The following ADAM2 variants were observed in gnomAD, a reference collection of about 807,000 sequenced individuals.
The protein encoded by ADAM2 is disintegrin and metalloproteinase domain-containing protein 2.
In ADAM2, 101 loss-of-function variants were observed where a neutral mutation model predicts 99.3. The ratio of observed to expected loss-of-function variants is 1.02; its 90% CI spans 0.87 to 1.20. The LOEUF is 1.20. Among genes scored for constraint, ADAM2 ranks in the 50% most tolerant of loss-of-function variants. The pLI, the probability that ADAM2 is intolerant of heterozygous loss-of-function variation, is 0.00. For synonymous variants in ADAM2, 323 were observed against 287.6 expected, an observed-to-expected ratio of 1.12 and a Z score of -1.25; for missense variants, 948 against 878.7, an observed-to-expected ratio of 1.08 and a Z score of -1.00.
intron 16 of ADAM2, 83 bp from the exon 17 acceptor site, chr8:39,749,827 A>G: frequency 1.0e-6 from 1 of 987,726 alleles, no homozygotes; most frequent in African/African-American, 1.6e-5. Context: ...ACCATACCAT[A>G]TTACCATGGA....
At chr8:39,780,501 C>G (rs931219881) in intron 10 of ADAM2, among the ~76,000 whole-genome samples, 1 of 152,020 alleles carries the variant, frequency 6.6e-6, no homozygotes, top group Admixed American at 6.6e-5. Context: ...GCATTTCTAC[C>G]AGACAAAAAT....
intron 7 of ADAM2, among the ~76,000 whole-genome samples, chr8:39,795,916 G>T (rs1803917726): frequency 6.6e-6 from 1 of 152,008 alleles, no homozygotes; most frequent in Non-Finnish European, 1.5e-5. Context: ...ATAATAATTA[G>T]GCCCAAGTTT....
intron 7 of ADAM2, among the ~76,000 whole-genome samples, chr8:39,794,620 T>C (rs1171092612): frequency 1.3e-5 from 2 of 152,088 alleles, no homozygotes; most frequent in East Asian, 3.9e-4. Context: ...CCAGGCATTG[T>C]ATGGAAAAGC....
intron 14 of ADAM2, among the ~76,000 whole-genome samples, chr8:39,762,384 C>G (rs1802402597): frequency 6.6e-6 from 1 of 152,148 alleles, no homozygotes. Flanking sequence ...CAAGCCATTG[C>G]TGGTAGACAA....
At chr8:39,773,575 C>A (rs909894511) in intron 11 of ADAM2, among the ~76,000 whole-genome samples, 10 of 151,430 alleles carry the variant, frequency 6.6e-5, no homozygotes, top group Non-Finnish European at 1.2e-4. Flanking sequence ...GGGCATATCA[C>A]AAATTATCCC....
At chr8:39,744,528 A>G (rs1173381440) in intron 20 of ADAM2, among the ~76,000 whole-genome samples, 1 of 152,080 alleles carries the variant, frequency 6.6e-6, no homozygotes, top group East Asian at 1.9e-4. Context: ...ACAAACACAC[A>G]CAGGAACATA....
At chr8:39,760,777 T>A (rs1254455507) in intron 15 of ADAM2, among the ~76,000 whole-genome samples, 1 of 148,042 alleles carries the variant, frequency 6.8e-6, no homozygotes, top group Non-Finnish European at 1.5e-5. Flanking sequence ...GCAGTAAAAA[T>A]TCGTGTATTT....
intron 19 of ADAM2, 148 bp from the exon 20 acceptor site, chr8:39,745,041 A>G: frequency 1.7e-6 from 1 of 572,896 alleles, no homozygotes; most frequent in Non-Finnish European, 3.0e-6. Context: ...CACTGAGAAC[A>G]TCTCTGCCCT....
At chr8:39,769,303 T>C in intron 12 of ADAM2, 89 bp downstream of exon 12, 10 of 1,023,522 alleles carry the variant, frequency 9.8e-6, no homozygotes, top group South Asian at 1.6e-5. Context: ...TTTAGCTTGA[T>C]GAATTAAGGA....
At chr8:39,760,805 G>A (rs1320749807) in intron 15 of ADAM2, among the ~76,000 whole-genome samples, 1 of 142,632 alleles carries the variant, frequency 7.0e-6, no homozygotes, top group Non-Finnish European at 1.5e-5. Context: ...TTTACTATGA[G>A]GATTGTCATG....
At chr8:39,790,384 A>G (rs1376138722) in intron 7 of ADAM2, among the ~76,000 whole-genome samples, 2 of 151,990 alleles carry the variant, frequency 1.3e-5, no homozygotes, top group Non-Finnish European at 2.9e-5. Context: ...ACATGTATAA[A>G]CCTGAAAATC....
intron 6 of ADAM2, among the ~76,000 whole-genome samples, chr8:39,810,141 T>C (rs1804633452): frequency 6.6e-6 from 1 of 152,028 alleles, no homozygotes; most frequent in Non-Finnish European, 1.5e-5. Context: ...AAACCTAGTC[T>C]CTGATAAAAC....
At chr8:39,811,028 G>C (rs1055404772) in intron 6 of ADAM2, among the ~76,000 whole-genome samples, 8 of 151,698 alleles carry the variant, frequency 5.3e-5, no homozygotes, top group African/African-American at 9.7e-5. Context: ...CACCAAAATT[G>C]ATAGACCACT....
chr8:39,753,638 A>T (rs529083346), intron 16 of ADAM2, among the ~76,000 whole-genome samples: 1 of 152,278 alleles, frequency 6.6e-6, no homozygotes, highest in South Asian at 2.1e-4. Flanking sequence ...CCCCTGCTCT[A>T]TACTGCCTCA....
At chr8:39,801,592 C>A (rs1482631099) in intron 7 of ADAM2, among the ~76,000 whole-genome samples, 2 of 152,104 alleles carry the variant, frequency 1.3e-5, no homozygotes, top group African/African-American at 2.4e-5. Flanking sequence ...CTGGGCTGCT[C>A]GGATAACTCA....
At chr8:39,761,373 T>G in intron 14 of ADAM2, 92 bp from the exon 15 acceptor site, 1 of 630,226 alleles carries the variant, frequency 1.6e-6, no homozygotes, top group African/African-American at 1.9e-5. Context: ...GGGTTTAAGA[T>G]ATTCATTGTA....
chr8:39,827,907 GA>G (rs771906361), intron 3 of ADAM2, among the ~76,000 whole-genome samples: 21 of 151,984 alleles, frequency 1.4e-4, no homozygotes, highest in Non-Finnish European at 2.8e-4. Context: ...TTGAATTGAT[GA>G]ATATGTTAAT....
At chr8:39,821,403 A>G (rs971182916) in intron 5 of ADAM2, among the ~76,000 whole-genome samples, 183 bp downstream of exon 5, 2 of 152,194 alleles carry the variant, frequency 1.3e-5, no homozygotes, top group Non-Finnish European at 2.9e-5. Context: ...ATATATTTAA[A>G]AAATCATAAT....
rs1802684635 is a variant in ADAM2, at chr8:39,769,269, C to T, written c.1212+123G>A. 1.9e-5 allele frequency: 13 copies of T among 670,370 alleles called. No homozygotes were observed. In the South Asian group the frequency reaches 2.5e-4, roughly 13 times the overall value. The allele number at this position is 670,370 out of a possible 1,614,324, so 41.5% of individuals were successfully genotyped here. A position where few individuals can be genotyped will look rare whatever the true frequency, so the allele number is the denominator to read the frequency against. On this transcript the variant is annotated intron_variant, in intron 12 of 20. Transcript: ENST00000265708. ...CATTAGTTGTTATAATACCTACATGCCCTCCTGAATCATTTGCAGAAAATT... is the reference window on the plus strand; with the variant it reads ...CATTAGTTGTTATAATACCTACATGTCCTCCTGAATCATTTGCAGAAAATT...
Sources: allele counts gnomAD v4.1 joint callset (sites outside exome capture counted in the v4.1 genomes callset), GRCh38; gene constraint gnomAD v4.1.1; transcripts MANE v1.5; gene names NCBI Gene and HGNC (gene_info 2026-07-23, HGNC 2026-07-21).